The following ZBBX variants were observed in gnomAD, a reference collection of about 807,000 sequenced individuals.
ZBBX encodes the protein zinc finger B-box domain-containing protein 1.
ZBBX carries 101 observed loss-of-function variants against 108.5 expected under a neutral mutation model. That is an observed-to-expected ratio of 0.93 (90% CI 0.79 to 1.10). The LOEUF is 1.10. Ranked by LOEUF, ZBBX falls within the 50% of genes least tolerant of loss-of-function variation. ZBBX has a pLI of 0.00. For synonymous variants in ZBBX, 356 were observed against 323.4 expected, an observed-to-expected ratio of 1.10 and a Z score of -1.08; for missense variants, 1,009 against 941.4, an observed-to-expected ratio of 1.07 and a Z score of -0.94.
chr3:167,241,666 G>T (rs1720702192), intron 21 of ZBBX, among the ~76,000 whole-genome samples: 1 of 152,140 alleles, frequency 6.6e-6, no homozygotes, highest in Non-Finnish European at 1.5e-5. Flanking sequence ...GATAGCCTGA[G>T]CCCAGGAGTT....
Position 167,350,507 on chromosome 3 carries a change from A to G in ZBBX, c.441T>C (p.Leu147=). The change falls in exon 9 of 22, where the codon CTT becomes CTC. Residue 147 remains leucine (L), a synonymous_variant. Coordinates refer to ENST00000675490, the MANE Select transcript of ZBBX (RefSeq NM_001199201.2). ...CTGAACAATAATCTTCTCCACATTC[A>G]AGGCATACCTAAAAAGATATTTTTT... The part of the protein sequence containing the change: ...CENKAALLVC[L]ECGEDYCSGC... The G allele has an allele frequency of 3.8e-6, 6 of 1,575,910 alleles. No individual in the cohort carries two copies. The highest frequency in any genetic ancestry group is 5.2e-6 in the Non-Finnish European group (6 of 1,159,114).
intron 12 of ZBBX, among the ~76,000 whole-genome samples, chr3:167,321,234 G>A (rs950876921): frequency 6.6e-6 from 1 of 151,982 alleles, no homozygotes; most frequent in African/African-American, 2.4e-5. Context: ...AAGGTGAGTG[G>A]TGGTGCGGGT....
At chr3:167,351,136 G>A (rs1287283171) in intron 8 of ZBBX, among the ~76,000 whole-genome samples, 1 of 151,790 alleles carries the variant, frequency 6.6e-6, no homozygotes, top group Non-Finnish European at 1.5e-5. Context: ...ACATTACCAT[G>A]TCTGTAATGT....
At chr3:167,391,404 T>C (rs1361837407) in intron 1 of ZBBX, among the ~76,000 whole-genome samples, 1 of 152,076 alleles carries the variant, frequency 6.6e-6, no homozygotes, top group Non-Finnish European at 1.5e-5. Flanking sequence ...TTATTGAGGA[T>C]TTTTGCATCA....
Position 167,322,160 on chromosome 3 carries a change from T to A in ZBBX, c.940A>T (p.Ile314Phe). The A allele has an allele frequency of 1.4e-6, 2 of 1,436,074 alleles. No individual in the cohort carries two copies. 89.0% of individuals were successfully genotyped at this position (1,436,074 alleles called of 1,614,324 possible). ...EPLNIELKED[I>F]LSYMEKLWLK... ...CATAATTTTTCCATATAGGATAGAATGTCTTCTTTAAGTTCAATATTAAGT... is the reference window on the plus strand; with the variant it reads ...CATAATTTTTCCATATAGGATAGAAAGTCTTCTTTAAGTTCAATATTAAGT... The change falls in exon 12 of 22, where the codon ATT becomes TTT. Residue 314 changes from isoleucine to phenylalanine, a missense_variant. Coordinates refer to ENST00000675490, the MANE Select transcript of ZBBX (RefSeq NM_001199201.2).
intron 19 of ZBBX, among the ~76,000 whole-genome samples, chr3:167,287,962 T>C (rs927218078): frequency 6.6e-6 from 1 of 152,152 alleles, no homozygotes; most frequent in Non-Finnish European, 1.5e-5. Flanking sequence ...AGGCAAATCA[T>C]ATGCAATTAA....
chr3:167,369,557 G>A (rs1481741621), intron 4 of ZBBX, among the ~76,000 whole-genome samples: 1 of 152,170 alleles, frequency 6.6e-6, no homozygotes, highest in African/African-American at 2.4e-5. Flanking sequence ...TATTTGCATT[G>A]TATCTACTCC....
At chr3:167,387,192 A>G (rs1747946427) in intron 1 of ZBBX, among the ~76,000 whole-genome samples, 1 of 152,032 alleles carries the variant, frequency 6.6e-6, no homozygotes, top group South Asian at 2.1e-4. Flanking sequence ...TATTCACCAA[A>G]CACTTATTGA....
intron 8 of ZBBX, among the ~76,000 whole-genome samples, chr3:167,352,299 T>C (rs2108504446): frequency 6.6e-6 from 1 of 151,656 alleles, no homozygotes; most frequent in East Asian, 1.9e-4. Flanking sequence ...ATGATAAAGG[T>C]GACATTAAAA....
intron 18 of ZBBX, among the ~76,000 whole-genome samples, chr3:167,294,697 G>T (rs1367202142): frequency 6.6e-6 from 1 of 152,102 alleles, no homozygotes; most frequent in Non-Finnish European, 1.5e-5. Context: ...AGACAAATGG[G>T]ATCTAATTAA....
At chr3:167,323,255 A>G (rs1736795303) in intron 11 of ZBBX, among the ~76,000 whole-genome samples, 1 of 142,212 alleles carries the variant, frequency 7.0e-6, no homozygotes, top group Admixed American at 7.3e-5. Flanking sequence ...GGGGGGAAAG[A>G]ACTCTTTTGT....
chr3:167,245,899 C>G (rs1016770170), intron 20 of ZBBX, among the ~76,000 whole-genome samples: 1 of 151,972 alleles, frequency 6.6e-6, no homozygotes, highest in African/African-American at 2.4e-5. Flanking sequence ...CAAGTGATTA[C>G]AAAATTGATT....
At chr3:167,263,119 CCTTCACCTCCT>C (rs914925958) in intron 20 of ZBBX, among the ~76,000 whole-genome samples, 2 of 148,266 alleles carry the variant, frequency 1.3e-5, no homozygotes, top group Non-Finnish European at 3.0e-5. Flanking sequence ...CTCACTGCAA[CCTTCACCTCCT>C]GGCTCAAGCA....
At chr3:167,270,138 C>G (rs1427536336) in intron 20 of ZBBX, among the ~76,000 whole-genome samples, 1 of 152,152 alleles carries the variant, frequency 6.6e-6, no homozygotes, top group Non-Finnish European at 1.5e-5. Flanking sequence ...TATCCTTGAT[C>G]ATCTACATTC....
intron 10 of ZBBX, among the ~76,000 whole-genome samples, chr3:167,331,011 A>G (rs1285308090): frequency 1.5e-5 from 2 of 137,792 alleles, no homozygotes; most frequent in African/African-American, 5.3e-5. Flanking sequence ...GAAAGGCCAC[A>G]TAAGAACACA....
intron 6 of ZBBX, among the ~76,000 whole-genome samples, chr3:167,363,371 T>C (rs1475387595): frequency 1.3e-5 from 2 of 152,126 alleles, no homozygotes; most frequent in African/African-American, 2.4e-5. Flanking sequence ...GAGCAGACGA[T>C]ATTGTCTTCA....
chr3:167,234,147 G>A, the ZBBX span, among the ~76,000 whole-genome samples: 1 of 151,772 alleles, frequency 6.6e-6, no homozygotes, highest in Non-Finnish European at 1.5e-5. Context: ...TACGGGAACA[G>A]AATAGTGAGG....
intron 18 of ZBBX, among the ~76,000 whole-genome samples, chr3:167,295,056 G>A (rs999527841): frequency 1.3e-5 from 2 of 152,186 alleles, no homozygotes; most frequent in Non-Finnish European, 2.9e-5. Flanking sequence ...ATGCTGGAGA[G>A]GATGTGGAGA....
intron 6 of ZBBX, among the ~76,000 whole-genome samples, chr3:167,363,580 C>T (rs1744869097): frequency 6.6e-6 from 1 of 151,766 alleles, no homozygotes; most frequent in Non-Finnish European, 1.5e-5. Flanking sequence ...TCAAAGACCA[C>T]ACACCCAGCA....
Sources: allele counts gnomAD v4.1 joint callset (sites outside exome capture counted in the v4.1 genomes callset), GRCh38; gene constraint gnomAD v4.1.1; transcripts MANE v1.5; gene names NCBI Gene and HGNC (gene_info 2026-07-23, HGNC 2026-07-21).